NUP93: variants seen among roughly 807,000 people sequenced by gnomAD.
NUP93 encodes nuclear pore complex protein Nup93.
A neutral mutation model predicts 107.8 loss-of-function variants in NUP93; 55 were observed. That is an observed-to-expected ratio of 0.51 (90% CI 0.41 to 0.64). NUP93 has a LOEUF of 0.64. Among genes scored for constraint, NUP93 ranks in the 30% least tolerant of loss-of-function variants. The pLI is 0.00. For synonymous variants in NUP93, 390 were observed against 397.5 expected (o/e 0.98, Z 0.22); for missense variants, 937 against 1,044.7 (o/e 0.90, Z 1.42).
At chr16:56,754,029 G>A (rs563669573) in intron 2 of NUP93, among the ~76,000 whole-genome samples, 92 of 151,622 alleles carry the variant, frequency 6.1e-4, no homozygotes, top group African/African-American at 9.7e-4. Flanking sequence ...TTCACAGGGC[G>A]TACAGGAAGC....
At chr16:56,753,824 A>T (rs1461713076) in intron 2 of NUP93, among the ~76,000 whole-genome samples, 1 of 152,168 alleles carries the variant, frequency 6.6e-6, no homozygotes, top group African/African-American at 2.4e-5. Context: ...ACAACTTTAA[A>T]AGTTGTGAAA....
rs111526357 is a variant in NUP93, at chr16:56,760,841, G to A, written c.297+2186G>A. On this transcript the variant is annotated intron_variant, in intron 3 of 21. Coordinates refer to ENST00000308159, the MANE Select transcript of NUP93 (RefSeq NM_014669.5). ...CGCACTCCTGTAGTCCCAGCTACAG[G>A]GGGAGGCTGAGGCAGGAACATCACT... Among the ~76,000 whole-genome samples, 681 of 152,144 alleles carry A rather than the reference G, an allele frequency of 4.5e-3. 6 individuals are homozygous for A. The highest frequency in any genetic ancestry group is 0.016 in the African/African-American group (657 of 41,502).
chr16:56,830,665 C>T lies in NUP93; in HGVS notation c.1065C>T (p.Tyr355=), dbSNP rs751353148. ...AGTTTAAAACCTGGTTCCAGGAGTA[C>T]ATGAACAGCAAGGACAGAAGGTATG... The part of the protein sequence containing the change: ...LGEFKTWFQE[Y]MNSKDRRLSP... Residue 355 remains tyrosine (Y), a synonymous_variant, in exon 10 of 22, where the codon TAC becomes TAT. Coordinates refer to ENST00000308159, the MANE Select transcript of NUP93 (RefSeq NM_014669.5). 3 of 1,592,278 alleles carry T rather than the reference C, an allele frequency of 1.9e-6. No individual in the cohort carries two copies. Among genetic ancestry groups the T allele is most frequent in the East Asian group, 4.5e-5 (2 of 44,326 alleles).
chr16:56,731,533 A>T (rs535761053), intron 1 of NUP93, among the ~76,000 whole-genome samples: 1 of 151,608 alleles, frequency 6.6e-6, no homozygotes, highest in Non-Finnish European at 1.5e-5. Flanking sequence ...TCGGCCTCCC[A>T]AGTAGCTGGG....
intron 3 of NUP93, chr16:56,784,012 T>A (rs1023474791): frequency 2.6e-4 from 115 of 444,752 alleles, no homozygotes; most frequent in African/African-American, 8.8e-4. Flanking sequence ...GATTTTTTTT[T>A]AATGTATTTC....
intron 3 of NUP93, among the ~76,000 whole-genome samples, chr16:56,771,094 A>C (rs1348239446): frequency 1.3e-5 from 2 of 152,176 alleles, no homozygotes; most frequent in Non-Finnish European, 2.9e-5. Flanking sequence ...ACTATTTGGA[A>C]GGCTGGTTAT....
Position 56,844,861 on chromosome 16 carries a change from G to C in NUP93, c.*252G>C, listed in dbSNP as rs147076760. The C allele has an allele frequency of 1.5e-5, 6 of 400,814 alleles. 1 individual carries two copies. The Admixed American group carries it at 2.2e-4, about 15-fold the overall frequency. 24.8% of individuals were successfully genotyped at this position (400,814 alleles called of 1,614,324 possible). A position where few individuals can be genotyped will look rare whatever the true frequency, so the allele number is the denominator to read the frequency against. ...ATGGGAAATACCGTCACTAGCTCTT[G>C]GGCCAGGGAATGAGAGGCTATGTAG... On this transcript the variant is annotated 3_prime_UTR_variant, in exon 22 of 22. Transcript: ENST00000308159.
Position 56,823,785 on chromosome 16 carries a change from C to G in NUP93, c.733C>G (p.Arg245Gly). The change falls in exon 8 of 22, where the codon CGC becomes GGC. Residue 245 changes from arginine to glycine, a missense_variant. By Grantham distance (125) the Arg-to-Gly change is moderately radical. Transcript: ENST00000308159. ...LTPATDALKN[R>G]SSVEVRMEFV... ...ACCGGCAACGGATGCCCTGAAGAAC[C>G]GCAGCAGCGTGGAAGTGCGCATGGA... 6 of 1,614,132 alleles carry G rather than the reference C, an allele frequency of 3.7e-6. 1 individual carries two copies. In the South Asian group the frequency reaches 6.6e-5, roughly 18 times the overall value.
chr16:56,834,182 T>A lies in NUP93; in HGVS notation c.1592T>A (p.Leu531His), dbSNP rs760058517. The A allele has an allele frequency of 2.5e-6, 4 of 1,614,144 alleles. No individual in the cohort carries two copies. Among genetic ancestry groups the A allele is most frequent in the Non-Finnish European group, 3.4e-6 (4 of 1,180,032 alleles). Reference protein sequence around the residue: ...PCLRRLNFVRLLMLYTRKFES... With the variant: ...PCLRRLNFVRHLMLYTRKFES... ...TTGCGGCGGCTGAACTTCGTGCGGC[T>A]CCTCATGCTGTACACCCGGAAGTTT... Residue 531 changes from leucine to histidine, a missense_variant, in exon 14 of 22, where the codon CTC (leucine) becomes CAC (histidine). Physicochemically the swap from Leu to His is moderately conservative, Grantham distance 99 (BLOSUM62 -3). Coordinates refer to ENST00000308159, the MANE Select transcript of NUP93 (RefSeq NM_014669.5).
At chr16:56,730,616 G>C (rs770345324) in intron 1 of NUP93, among the ~76,000 whole-genome samples, 5 of 152,066 alleles carry the variant, frequency 3.3e-5, no homozygotes, top group Non-Finnish European at 7.4e-5. Context: ...CCTACCCCTC[G>C]TGGACACACC....
intron 7 of NUP93, 70 bp from the exon 8 acceptor site, chr16:56,823,637 A>G (rs1368962124): frequency 1.3e-6 from 2 of 1,563,006 alleles, no homozygotes; most frequent in Non-Finnish European, 1.7e-6. Context: ...TGGAGGTCAG[A>G]GTGCCACAAA....
At chr16:56,799,016 A>G (rs905231812) in intron 4 of NUP93, among the ~76,000 whole-genome samples, 2 of 152,310 alleles carry the variant, frequency 1.3e-5, no homozygotes, top group African/African-American at 4.8e-5. Context: ...ACCATGCTTT[A>G]TAACTCTGTA....
At chr16:56,740,090 C>G (rs2144439622) in intron 1 of NUP93, among the ~76,000 whole-genome samples, 1 of 128,118 alleles carries the variant, frequency 7.8e-6, no homozygotes, top group Non-Finnish European at 1.6e-5. Flanking sequence ...CCCCCCACCT[C>G]CCTCCCGGAC....
chr16:56,749,210 G>A (rs1961874985), intron 2 of NUP93, among the ~76,000 whole-genome samples: 1 of 152,192 alleles, frequency 6.6e-6, no homozygotes, highest in Non-Finnish European at 1.5e-5. Context: ...AAAAAACTAT[G>A]CTGCTTTCCT....
At position 56,839,041 on chromosome 16, in the gene NUP93, A is replaced by G. The variant is rs1221423360; in HGVS notation, c.2108A>G (p.His703Arg). ...TTGATCACCTTTTTTGACGAGTATC[A>G]TAGTGGTCATATTGATAGAGCTTTT... ...LDLITFFDEY[H>R]SGHIDRAFDI... The change falls in exon 19 of 22, where the codon CAT (histidine) becomes CGT (arginine). Residue 703 changes from histidine (H) to arginine (R), a missense_variant. By Grantham distance (29) the His-to-Arg change is conservative. Transcript: ENST00000308159. The G allele has an allele frequency of 3.1e-6, 5 of 1,613,496 alleles. No individual in the cohort carries two copies. Among genetic ancestry groups the G allele is most frequent in the East Asian group, 2.2e-5 (1 of 44,874 alleles).
rs1963407959 is a variant in NUP93 at position 56,815,806 on chromosome 16, G to A, written c.490-2858G>A. 2.0e-5 allele frequency among the ~76,000 whole-genome samples: 3 copies of A among 151,482 alleles called. No homozygotes were observed. The South Asian group carries it at 6.2e-4, about 31-fold the overall frequency. On this transcript the variant is annotated intron_variant, in intron 5 of 21. Coordinates refer to ENST00000308159, the MANE Select transcript of NUP93 (RefSeq NM_014669.5). Reference sequence around the variant, plus strand: ...AGGAAACTGAGGCTTAAAGGCAGCAGTATGCTCCAGGTCACATTGTTGTAA... The same window carrying A: ...AGGAAACTGAGGCTTAAAGGCAGCAATATGCTCCAGGTCACATTGTTGTAA...
At chr16:56,837,815 A>T (rs570179686) in intron 18 of NUP93, 89 bp downstream of exon 18, 1 of 907,378 alleles carries the variant, frequency 1.1e-6, no homozygotes, top group Non-Finnish European at 1.7e-6. Flanking sequence ...GTTCAGCTTT[A>T]CTAGGTAACA....
chr16:56,773,738 A>G (rs750708887), intron 3 of NUP93, among the ~76,000 whole-genome samples: 4 of 152,244 alleles, frequency 2.6e-5, no homozygotes, highest in African/African-American at 4.8e-5. Flanking sequence ...AAGTGATAAC[A>G]GAAGTCTACT....
chr16:56,758,736 G>A (rs1238970002), intron 3 of NUP93, 81 bp downstream of exon 3: 63 of 919,486 alleles, frequency 6.9e-5, no homozygotes, highest in South Asian at 4.7e-4. Flanking sequence ...CTAGCAGATT[G>A]AGGAATTTCA....
Sources: allele counts gnomAD v4.1 joint callset (sites outside exome capture counted in the v4.1 genomes callset), GRCh38; gene constraint gnomAD v4.1.1; transcripts MANE v1.5; gene names NCBI Gene and HGNC (gene_info 2026-07-23, HGNC 2026-07-21).